Variants in NRG3 observed in about 807,000 individuals in gnomAD.
The protein encoded by NRG3 is pro-neuregulin-3, membrane-bound isoform.
NRG3 carries 31 observed loss-of-function variants against 66.9 expected under a neutral mutation model. The ratio of observed to expected loss-of-function variants is 0.46; its 90% confidence interval spans 0.35 to 0.63. The LOEUF (loss-of-function observed/expected upper bound fraction) is 0.63, where lower values mean the gene tolerates loss of function less well. NRG3 is among the 20% of genes least tolerant of loss of function. NRG3 has a pLI of 0.00. For missense variants in NRG3, 910 were observed against 878.9 expected (o/e 1.04, Z -0.45); for synonymous variants, 393 against 359.4 (o/e 1.09, Z -1.06).
chr10:82,108,029 ATCTTT>A (rs1389275692), intron 1 of NRG3, among the ~76,000 whole-genome samples: 5 of 152,196 alleles, frequency 3.3e-5, no homozygotes, highest in Non-Finnish European at 7.3e-5. Context: ...CTCTTTAGAG[ATCTTT>A]TCTGTGCATG....
At chr10:82,753,775 C>T (rs533771932) in intron 3 of NRG3, among the ~76,000 whole-genome samples, 1 of 151,840 alleles carries the variant, frequency 6.6e-6, no homozygotes, top group South Asian at 2.1e-4. Flanking sequence ...GGTGAAACCC[C>T]GTCTTTACTA....
At chr10:82,856,120 A>G (rs1479000182) in intron 3 of NRG3, among the ~76,000 whole-genome samples, 2 of 152,144 alleles carry the variant, frequency 1.3e-5, no homozygotes, top group African/African-American at 4.8e-5. Context: ...GGAATCATCA[A>G]TAACTCAGAA....
intron 4 of NRG3, among the ~76,000 whole-genome samples, chr10:82,946,657 C>G (rs369899226): frequency 6.6e-6 from 1 of 152,116 alleles, no homozygotes; most frequent in East Asian, 1.9e-4. Context: ...AGTGTCATAT[C>G]AGGCAGGTCT....
At chr10:82,785,544 A>C (rs2060321316) in intron 3 of NRG3, among the ~76,000 whole-genome samples, 1 of 152,082 alleles carries the variant, frequency 6.6e-6, no homozygotes. Flanking sequence ...GTATTGAAAA[A>C]TGGAGTAAAT....
intron 1 of NRG3, among the ~76,000 whole-genome samples, chr10:82,150,528 CACAAAAA>C (rs1227809520): frequency 2.7e-4 from 14 of 51,724 alleles, no homozygotes; most frequent in Non-Finnish European, 3.6e-4. Flanking sequence ...AAAGAGCACA[CACAAAAA>C]AAAAAAAAAA....
intron 2 of NRG3, among the ~76,000 whole-genome samples, chr10:82,655,657 A>T (rs1288258452): frequency 6.6e-6 from 1 of 152,326 alleles, no homozygotes; most frequent in African/African-American, 2.4e-5. Context: ...CTACATATCT[A>T]TTTACATGTG....
At chr10:82,302,193 A>C (rs903585245) in intron 1 of NRG3, among the ~76,000 whole-genome samples, 1 of 152,112 alleles carries the variant, frequency 6.6e-6, no homozygotes, top group Non-Finnish European at 1.5e-5. Flanking sequence ...AGTACTTTAC[A>C]TGAAATTTTT....
intron 1 of NRG3, among the ~76,000 whole-genome samples, chr10:82,151,957 AG>A (rs140951602): frequency 0.033 from 5,016 of 152,300 alleles, 267 homozygotes; most frequent in African/African-American, 0.11. Context: ...GGTCATTAAG[AG>A]GATTAAATAG....
chr10:82,958,870 CT>C, intron 5 of NRG3, 78 bp from the exon 6 acceptor site: 1 of 1,411,908 alleles, frequency 7.1e-7, no homozygotes, highest in Non-Finnish European at 9.4e-7. Flanking sequence ...AATATAGACA[CT>C]GGGAATGAAT....
chr10:82,870,644 G>T (rs150824671), intron 4 of NRG3, among the ~76,000 whole-genome samples: 1 of 152,222 alleles, frequency 6.6e-6, no homozygotes, highest in East Asian at 1.9e-4. Context: ...GTATGTAATG[G>T]TAACTCACTG....
intron 1 of NRG3, among the ~76,000 whole-genome samples, chr10:81,937,124 C>T (rs1025125701): frequency 6.6e-6 from 1 of 152,106 alleles, no homozygotes; most frequent in Non-Finnish European, 1.5e-5. Context: ...TTTTTTAAGG[C>T]TGAACGAATT....
chr10:82,656,351 C>A (rs1263038473), intron 2 of NRG3, among the ~76,000 whole-genome samples: 2 of 140,946 alleles, frequency 1.4e-5, no homozygotes, highest in Non-Finnish European at 3.0e-5. Flanking sequence ...TGCTGGAATG[C>A]CTCAGAGTAC....
Position 82,987,010 on chromosome 10 carries a change from T to C in NRG3, c.*1405T>C, listed in dbSNP as rs1034872629. ...AATAAAGCAATATTTTTACCACTGC[T>C]AAGGTGAACTGAAACCTCTCCTGAA... On this transcript the variant is annotated 3_prime_UTR_variant, in exon 9 of 9. Coordinates refer to ENST00000372141, the MANE Select transcript of NRG3 (RefSeq NM_001010848.4). The C allele has an allele frequency of 2.6e-5, 4 of 152,234 alleles. No individual in the cohort carries two copies. The highest frequency in any genetic ancestry group is 5.9e-5 in the Non-Finnish European group (4 of 68,026). 9.4% of individuals were successfully genotyped at this position (152,234 alleles called of 1,614,324 possible).
intron 2 of NRG3, among the ~76,000 whole-genome samples, chr10:82,382,782 T>G (rs2085707095): frequency 6.6e-6 from 1 of 152,130 alleles, no homozygotes; most frequent in East Asian, 1.9e-4. Context: ...AGACATAAAT[T>G]TCTGCATAGT....
At chr10:82,346,972 C>G (rs1196356936) in intron 1 of NRG3, among the ~76,000 whole-genome samples, 2 of 151,826 alleles carry the variant, frequency 1.3e-5, no homozygotes, top group Non-Finnish European at 2.9e-5. Flanking sequence ...CTTTATTAGT[C>G]TTGCTAGCTG....
At chr10:82,004,028 C>CACACACACAT (rs1444609157) in intron 1 of NRG3, among the ~76,000 whole-genome samples, 11 of 145,742 alleles carry the variant, frequency 7.5e-5, no homozygotes, top group African/African-American at 2.3e-4. Context: ...CACACACACA[C>CACACACACAT]ACACACAGAT....
At chr10:82,190,715 A>AT (rs1278937173) in intron 1 of NRG3, among the ~76,000 whole-genome samples, 1 of 152,182 alleles carries the variant, frequency 6.6e-6, no homozygotes, top group Non-Finnish European at 1.5e-5. Flanking sequence ...ACTAGGGAAG[A>AT]AACTCCTGAG....
chr10:82,231,523 T>A (rs1455006878), intron 1 of NRG3, among the ~76,000 whole-genome samples: 1 of 151,596 alleles, frequency 6.6e-6, no homozygotes, highest in Non-Finnish European at 1.5e-5. Flanking sequence ...TGAAACACAA[T>A]ATAACTAATT....
intron 1 of NRG3, among the ~76,000 whole-genome samples, chr10:82,139,201 A>G (rs2132617811): frequency 6.6e-6 from 1 of 152,270 alleles, no homozygotes; most frequent in South Asian, 2.1e-4. Flanking sequence ...CTAACAAGCA[A>G]GCTCCTGAAA....
Sources: allele counts gnomAD v4.1 joint callset (sites outside exome capture counted in the v4.1 genomes callset), GRCh38; gene constraint gnomAD v4.1.1; transcripts MANE v1.5; gene names NCBI Gene and HGNC (gene_info 2026-07-23, HGNC 2026-07-21).